PLCH1: variants seen among roughly 807,000 people sequenced by gnomAD.
PLCH1 encodes the protein 1-phosphatidylinositol 4,5-bisphosphate phosphodiesterase eta-1.
Under a neutral mutation model 126.7 loss-of-function variants are expected in PLCH1, and 60 were observed. That is an observed-to-expected ratio of 0.47 (90% CI 0.38 to 0.59). The LOEUF is 0.59. Ranked by LOEUF, PLCH1 falls within the 20% of genes least tolerant of loss-of-function variation. PLCH1 has a pLI of 0.00. For missense variants in PLCH1, 1,723 were observed against 2,040.0 expected (o/e 0.84, Z 2.99); for synonymous variants, 719 against 734.9 (o/e 0.98, Z 0.35).
intron 2 of PLCH1, among the ~76,000 whole-genome samples, chr3:155,679,197 G>T (rs1043182233): frequency 1.3e-5 from 2 of 152,284 alleles, no homozygotes; most frequent in African/African-American, 4.8e-5. Flanking sequence ...TTCAGTATAA[G>T]TATGTCCCAT....
In PLCH1 at chr3:155,482,587, C is replaced by T. The variant is rs921740962; in HGVS notation, c.3439G>A (p.Asp1147Asn). The change falls in exon 23 of 23, where the codon GAC becomes AAC. Residue 1147 changes from aspartate (D) to asparagine (N), a missense_variant. Transcript: ENST00000460012. ...ATGTCAGAACAGAGCATGGAGACGT[C>T]TGACAAAGAAAAGGATGTTGCAGCT... ...GRAATSFSLS[D>N]VSMLCSDIPD... 6.2e-7 allele frequency: 1 copy of T among 1,614,208 alleles called. No individual in the cohort carries two copies. Among genetic ancestry groups the T allele is most frequent in the Non-Finnish European group, 8.5e-7 (1 of 1,180,036 alleles).
rs1742367391 is a variant in PLCH1 at position 155,663,138 on chromosome 3, G to C, written c.79+41008C>G. 4.6e-5 allele frequency among the ~76,000 whole-genome samples: 7 copies of C among 152,270 alleles called. No homozygotes were observed. In the South Asian group the frequency reaches 1.5e-3, roughly 32 times the overall value. On this transcript the variant is annotated intron_variant, in intron 2 of 22. Coordinates refer to ENST00000460012, the MANE Select transcript of PLCH1 (RefSeq NM_014996.4). ...AGGATGCCAAGTGGAATGAGACACTGTCCCTGTTATGTAAATCTCCTAGGA... is the reference window on the plus strand; with the variant it reads ...AGGATGCCAAGTGGAATGAGACACTCTCCCTGTTATGTAAATCTCCTAGGA...
intron 10 of PLCH1, among the ~76,000 whole-genome samples, chr3:155,542,359 G>C (rs995888255): frequency 6.6e-6 from 1 of 152,138 alleles, no homozygotes; most frequent in Non-Finnish European, 1.5e-5. Context: ...GCCCAGGCTT[G>C]CTTAGGTAAA....
chr3:155,559,370 T>C (rs1305918849), intron 8 of PLCH1, among the ~76,000 whole-genome samples: 1 of 152,052 alleles, frequency 6.6e-6, no homozygotes, highest in African/African-American at 2.4e-5. Context: ...TAGGTCCTCT[T>C]TTCCTTCCTA....
rs1167721265 is a variant in PLCH1 at position 155,666,894 on chromosome 3, GT to G, written c.79+37251del. Among the ~76,000 whole-genome samples, 15 of 17,014 alleles carry G rather than the reference GT, an allele frequency of 8.8e-4. No homozygotes were observed. The African/African-American group carries it at 0.027, about 30-fold the overall frequency. 11.2% of individuals were successfully genotyped at this position (17,014 alleles called of 152,430 possible). A position where few individuals can be genotyped will look rare whatever the true frequency, so the allele number is the denominator to read the frequency against. The stretch of plus-strand genomic sequence containing the variant: ...AAGGAAATGATGAGACACAGATGAG[GT>G]GTGTGTGTGTGTGTGTGTGTGTGTG... On this transcript the variant is annotated intron_variant, in intron 2 of 22. Coordinates refer to ENST00000460012, the MANE Select transcript of PLCH1 (RefSeq NM_014996.4).
chr3:155,717,148 T>C (rs555355910), intron 1 of PLCH1, among the ~76,000 whole-genome samples: 7 of 152,368 alleles, frequency 4.6e-5, no homozygotes, highest in South Asian at 2.1e-4. Context: ...TCAGGGAACA[T>C]TGGTGCAAGA....
At chr3:155,456,855 G>C (rs1712456720) in intron 21 of PLCH1, 1 of 152,888 alleles carries the variant, frequency 6.5e-6, no homozygotes, top group Non-Finnish European at 1.5e-5. Context: ...ATCAATTTGA[G>C]CATCATCGCT....
chr3:155,599,656 C>T (rs1018141564), intron 2 of PLCH1, among the ~76,000 whole-genome samples: 3 of 151,984 alleles, frequency 2.0e-5, no homozygotes, highest in South Asian at 4.2e-4. Flanking sequence ...AGTGGAAAAC[C>T]GAGTTAACTA....
intron 21 of PLCH1, among the ~76,000 whole-genome samples, chr3:155,458,025 A>T (rs2107970149): frequency 1.3e-5 from 2 of 152,292 alleles, no homozygotes; most frequent in Admixed American, 1.3e-4. Flanking sequence ...GAGAGGCTCC[A>T]GCTTCCTCAG....
chr3:155,706,573 T>A (rs1577348516), intron 1 of PLCH1, among the ~76,000 whole-genome samples: 1 of 149,240 alleles, frequency 6.7e-6, no homozygotes, highest in Non-Finnish European at 1.5e-5. Flanking sequence ...TGAGCTGAGA[T>A]CCTGCCACTG....
intron 10 of PLCH1, among the ~76,000 whole-genome samples, chr3:155,526,414 CTCTCTCTTCTG>C (rs1371831427): frequency 1.3e-5 from 2 of 148,546 alleles, no homozygotes; most frequent in African/African-American, 5.1e-5. Flanking sequence ...CTCTTTCTCT[CTCTCTCTTCTG>C]TCTCTCTCTC....
intron 4 of PLCH1, among the ~76,000 whole-genome samples, chr3:155,592,681 G>A (rs1732364336): frequency 6.6e-6 from 1 of 152,136 alleles, no homozygotes; most frequent in African/African-American, 2.4e-5. Flanking sequence ...TGAAGTAGCT[G>A]CCCCTGGAAC....
chr3:155,697,296 G>A (rs1329394195), intron 2 of PLCH1, among the ~76,000 whole-genome samples: 2 of 152,136 alleles, frequency 1.3e-5, no homozygotes, highest in Admixed American at 6.5e-5. Context: ...TAGTGAACAA[G>A]GACCTGCCTA....
intron 2 of PLCH1, among the ~76,000 whole-genome samples, chr3:155,624,410 G>C (rs930791397): frequency 6.6e-6 from 1 of 152,144 alleles, no homozygotes; most frequent in South Asian, 2.1e-4. Context: ...GGGCAATCAG[G>C]CAGGAGAAAG....
At chr3:155,616,552 T>C (rs1280313965) in intron 2 of PLCH1, among the ~76,000 whole-genome samples, 1 of 152,200 alleles carries the variant, frequency 6.6e-6, no homozygotes, top group African/African-American at 2.4e-5. Context: ...TCTTTTATGA[T>C]TAAACTTGTT....
intron 9 of PLCH1, among the ~76,000 whole-genome samples, chr3:155,550,645 AG>A (rs1309628438): frequency 4.6e-5 from 7 of 152,230 alleles, no homozygotes; most frequent in African/African-American, 1.7e-4. Context: ...AAAGGAGATC[AG>A]GGCTGATTAC....
intron 13 of PLCH1, among the ~76,000 whole-genome samples, chr3:155,502,442 G>T (rs2108150672): frequency 6.6e-6 from 1 of 152,240 alleles, no homozygotes; most frequent in Middle Eastern, 3.4e-3. Flanking sequence ...TTAGTTAGGT[G>T]AAGTACTCCC....
intron 2 of PLCH1, among the ~76,000 whole-genome samples, chr3:155,597,086 G>C (rs1457366816): frequency 6.6e-6 from 1 of 152,146 alleles, no homozygotes; most frequent in Non-Finnish European, 1.5e-5. Context: ...GCTGGATATA[G>C]GAATCTGTTA....
intron 2 of PLCH1, among the ~76,000 whole-genome samples, chr3:155,612,906 A>G (rs1735301216): frequency 7.1e-6 from 1 of 141,048 alleles, no homozygotes; most frequent in Admixed American, 7.2e-5. Flanking sequence ...GAAACTGTGT[A>G]TTAAAAAAAA....
Sources: allele counts gnomAD v4.1 joint callset (sites outside exome capture counted in the v4.1 genomes callset), GRCh38; gene constraint gnomAD v4.1.1; transcripts MANE v1.5; gene names NCBI Gene and HGNC (gene_info 2026-07-23, HGNC 2026-07-21).